Variants in GBP6 observed in about 807,000 individuals in gnomAD.
GBP6 encodes the protein guanylate-binding protein 6.
GBP6 carries 54 observed loss-of-function variants against 61.5 expected under a neutral mutation model. The ratio of observed to expected loss-of-function variants is 0.88; its 90% confidence interval spans 0.71 to 1.10. GBP6 has a LOEUF of 1.10. Among genes scored for constraint, GBP6 ranks in the 50% least tolerant of loss-of-function variants. The pLI is 0.00. For synonymous variants in GBP6, 255 were observed against 273.7 expected (o/e 0.93, Z 0.67); for missense variants, 748 against 752.8 (o/e 0.99, Z 0.07).
At chr1:89,373,824 T>G (rs1181201812) in intron 3 of GBP6, among the ~76,000 whole-genome samples, 1 of 151,240 alleles carries the variant, frequency 6.6e-6, no homozygotes, top group East Asian at 1.9e-4. Context: ...TAAAAATATA[T>G]AAATTATATA....
At position 89,384,206 on chromosome 1, in the gene GBP6, G is replaced by C. The variant is rs769448402; in HGVS notation, c.1582G>C (p.Ala528Pro). ...AQDKSRKENI[A>P]QLKEKLQMER... ...AGATAAGAGTCGCAAGGAAAACATAGCCCAACTGAAGGAGAAGCTGCAGAT... is the reference window on the plus strand; with the variant it reads ...AGATAAGAGTCGCAAGGAAAACATACCCCAACTGAAGGAGAAGCTGCAGAT... The change falls in exon 10 of 11, where the codon GCC becomes CCC. Residue 528 changes from alanine to proline, a missense_variant. By Grantham distance (27) the Ala-to-Pro change is conservative (BLOSUM62 -1). Transcript: ENST00000370456. 3.1e-6 allele frequency: 5 copies of C among 1,614,030 alleles called. No homozygotes were observed. Among genetic ancestry groups the C allele is most frequent in the Non-Finnish European group, 4.2e-6 (5 of 1,179,918 alleles).
chr1:89,378,325 A>G, intron 4 of GBP6, 92 bp from the exon 5 acceptor site: 1 of 1,522,954 alleles, frequency 6.6e-7, no homozygotes, highest in Non-Finnish European at 9.0e-7. Flanking sequence ...CAGCACAGGG[A>G]ACCCAAGACA....
chr1:89,378,630 T>C lies in GBP6; in HGVS notation c.625+17T>C. On this transcript the variant is annotated intron_variant, in intron 5 of 10. Coordinates refer to ENST00000370456, the MANE Select transcript of GBP6 (RefSeq NM_198460.3). ...TGATTCAAGGTATCAGAATGTGGCC[T>C]GGGCTGTGGGTGGTCCACTGGGTGT... 6.3e-7 allele frequency: 1 copy of C among 1,596,528 alleles called. No homozygotes were observed. The highest frequency in any genetic ancestry group is 8.6e-7 in the Non-Finnish European group (1 of 1,166,868).
chr1:89,384,099 G>A lies in GBP6; in HGVS notation c.1475G>A (p.Arg492Gln), dbSNP rs933953523. 48 of 1,609,240 alleles carry A rather than the reference G, an allele frequency of 3.0e-5. No individual in the cohort carries two copies. Among genetic ancestry groups the A allele is most frequent in the South Asian group, 5.5e-5 (5 of 90,166 alleles). The change falls in exon 10 of 11, where the codon CGG becomes CAG. Residue 492 changes from arginine (R) to glutamine (Q), a missense_variant. By Grantham distance (43) the Arg-to-Gln change is conservative (BLOSUM62 1). Coordinates refer to ENST00000370456, the MANE Select transcript of GBP6 (RefSeq NM_198460.3). ...TDREKAVAVD[R>Q]AKKEAAEKEQ... ...TAATACCTTCATGGAGCAGTGGATCGGGCCAAGAAGGAGGCAGCTGAGAAG... is the reference window on the plus strand; with the variant it reads ...TAATACCTTCATGGAGCAGTGGATCAGGCCAAGAAGGAGGCAGCTGAGAAG...
intron 7 of GBP6, among the ~76,000 whole-genome samples, chr1:89,382,444 G>T (rs1390165592): frequency 1.3e-5 from 2 of 152,182 alleles, no homozygotes; most frequent in African/African-American, 4.8e-5. Context: ...CACAGATAAG[G>T]AACCTGAAGC....
At chr1:89,367,374 C>G (rs1652493972) in intron 1 of GBP6, among the ~76,000 whole-genome samples, 1 of 152,120 alleles carries the variant, frequency 6.6e-6, no homozygotes, top group Non-Finnish European at 1.5e-5. Context: ...ATGGGTGGGT[C>G]TAACATGTAC....
Position 89,384,098 on chromosome 1 carries a change from C to T in GBP6, c.1474C>T (p.Arg492Trp), listed in dbSNP as rs199708308. The change falls in exon 10 of 11, where the codon CGG becomes TGG. Residue 492 changes from arginine to tryptophan, a missense_variant. Physicochemically the swap from Arg to Trp is moderately radical, Grantham distance 101. Coordinates refer to ENST00000370456, the MANE Select transcript of GBP6 (RefSeq NM_198460.3). ...TDREKAVAVD[R>W]AKKEAAEKEQ... ...CTAATACCTTCATGGAGCAGTGGAT[C>T]GGGCCAAGAAGGAGGCAGCTGAGAA... is the stretch of plus-strand genomic sequence containing the variant. 7.2e-5 allele frequency: 115 copies of T among 1,608,250 alleles called. No individual in the cohort carries two copies. The highest frequency in any genetic ancestry group is 3.4e-4 in the South Asian group (31 of 89,950).
chr1:89,376,774 G>A (rs148743387), intron 3 of GBP6, among the ~76,000 whole-genome samples: 151 of 152,138 alleles, frequency 9.9e-4, no homozygotes, highest in African/African-American at 3.4e-3. Context: ...TTGAGACAGC[G>A]GAGGTGGCTT....
rs373101938 is a variant in GBP6, at chr1:89,378,390, A to C, written c.429-27A>C. 1.0e-5 allele frequency: 16 copies of C among 1,596,510 alleles called. No homozygotes were observed. The African/African-American group carries it at 1.9e-4, about 19-fold the overall frequency. On this transcript the variant is annotated intron_variant, in intron 4 of 10. Transcript: ENST00000370456. ...AGAAATGTGTGAATTGTGGGCAGAC[A>C]GTTGCTTTTCCTTACCTAAGTCCTA...
chr1:89,385,475 TTA>T lies in GBP6; in HGVS notation c.*9_*10del. 2 of 1,613,106 alleles carry T rather than the reference TTA, an allele frequency of 1.2e-6. No homozygotes were observed. Among genetic ancestry groups the T allele is most frequent in the Non-Finnish European group, 1.7e-6 (2 of 1,179,412 alleles). On this transcript the variant is annotated 3_prime_UTR_variant, in exon 11 of 11. Transcript: ENST00000370456. ...AGCATAAGCTCCCCTTTTAAGGATA[TTA>T]TAGATTGTACATATATGCTTTGGAC...
chr1:89,370,462 C>T (rs917940430), intron 3 of GBP6, among the ~76,000 whole-genome samples: 1 of 152,128 alleles, frequency 6.6e-6, no homozygotes, highest in Non-Finnish European at 1.5e-5. Flanking sequence ...TCTGATTGTG[C>T]TCATCATAAA....
At chr1:89,368,008 C>T (rs1652511758) in intron 1 of GBP6, among the ~76,000 whole-genome samples, 1 of 152,148 alleles carries the variant, frequency 6.6e-6, no homozygotes, top group African/African-American at 2.4e-5. Flanking sequence ...TTTTCCAGAG[C>T]TCCTATAAGA....
chr1:89,369,257 G>A (rs1409262152), intron 2 of GBP6, among the ~76,000 whole-genome samples: 2 of 152,016 alleles, frequency 1.3e-5, no homozygotes, highest in South Asian at 2.1e-4. Context: ...CTCTGACTTT[G>A]AACCCCACCA....
Position 89,369,658 on chromosome 1 carries a change from G to A in GBP6, c.303G>A (p.Leu101=). 6.2e-7 allele frequency: 1 copy of A among 1,613,890 alleles called. No individual in the cohort carries two copies. The highest frequency in any genetic ancestry group is 8.5e-7 in the Non-Finnish European group (1 of 1,179,870). ...TGGTCCTTCTGGACACCGAAGGTCT[G>A]GGCGATGTGGAAAAGGTAAGACAGA... is the stretch of plus-strand genomic sequence containing the variant. ...HTLVLLDTEG[L]GDVEKGDPKN... is the part of the protein sequence containing the mutation. The change falls in exon 3 of 11, where the codon CTG becomes CTA. Residue 101 remains leucine (L), a synonymous_variant. Transcript: ENST00000370456.
intron 3 of GBP6, among the ~76,000 whole-genome samples, chr1:89,370,744 T>C (rs1652605873): frequency 6.6e-6 from 1 of 152,222 alleles, no homozygotes; most frequent in African/African-American, 2.4e-5. Context: ...GTATACACTG[T>C]GAAATGATCA....
intron 3 of GBP6, among the ~76,000 whole-genome samples, chr1:89,371,513 G>A (rs965746994): frequency 6.6e-5 from 10 of 152,082 alleles, no homozygotes; most frequent in Non-Finnish European, 1.3e-4. Context: ...TTCAACATAT[G>A]CAAATCAATA....
In GBP6 at chr1:89,385,689, C is replaced by T. The variant is rs1570473903; in HGVS notation, c.*220C>T. On this transcript the variant is annotated 3_prime_UTR_variant, in exon 11 of 11. Coordinates refer to ENST00000370456, the MANE Select transcript of GBP6 (RefSeq NM_198460.3). ...CTGGGATTATAGGTGTACACCACCA[C>T]ACCCAGCTAATTTTTGTATTTTTAG... The T allele has an allele frequency of 2.4e-6, 1 of 412,748 alleles. No homozygotes were observed. The highest frequency in any genetic ancestry group is 4.2e-5 in the East Asian group (1 of 23,798). The allele number at this position is 412,748 out of a possible 1,614,324, so 25.6% of individuals were successfully genotyped here. A position where few individuals can be genotyped will look rare whatever the true frequency, so the allele number is the denominator to read the frequency against.
chr1:89,369,544 AG>A lies in GBP6; in HGVS notation c.191del. On this transcript the variant is annotated splice_acceptor_variant, in intron 2 of 10. Coordinates refer to ENST00000370456, the MANE Select transcript of GBP6 (RefSeq NM_198460.3). LOFTEE classifies it high-confidence loss of function. Reference sequence around the variant, plus strand: ...TGCTTAGCTTCCTCCTCTTCCCTGCAGGCTTCCCTCTGGGCTCCACGGTGCA... The same window carrying A: ...TGCTTAGCTTCCTCCTCTTCCCTGCAGCTTCCCTCTGGGCTCCACGGTGCA... 2 of 1,613,080 alleles carry A rather than the reference AG, an allele frequency of 1.2e-6. No individual in the cohort carries two copies. Among genetic ancestry groups the A allele is most frequent in the Non-Finnish European group, 1.7e-6 (2 of 1,179,440 alleles).
At chr1:89,381,637 A>G in intron 6 of GBP6, 57 bp from the exon 7 acceptor site, 1 of 1,531,668 alleles carries the variant, frequency 6.5e-7, no homozygotes, top group Non-Finnish European at 8.8e-7. Context: ...AATGTAGCCT[A>G]GGATCCCACT....
Sources: gnomAD v4.1 joint callset for allele counts (sites outside exome capture counted in the v4.1 genomes callset) on GRCh38, gnomAD v4.1.1 for gene constraint, MANE v1.5 for transcripts, NCBI Gene and HGNC (gene_info 2026-07-23, HGNC 2026-07-21) for gene names.